NRL: variants seen among roughly 807,000 people sequenced by gnomAD.
NRL encodes the protein neural retina-specific leucine zipper protein.
Under a neutral mutation model 12.5 loss-of-function variants are expected in NRL, and 16 were observed. That is an observed-to-expected ratio of 1.28 (90% confidence interval 0.87 to 1.95). The LOEUF is 1.95. NRL is among the 30% of genes most tolerant of loss of function. The pLI is 0.00. For synonymous variants in NRL, 142 were observed against 150.9 expected, an observed-to-expected ratio of 0.94 and a Z score of 0.43; for missense variants, 314 against 325.8, an observed-to-expected ratio of 0.96 and a Z score of 0.28.
At position 24,080,979 on chromosome 14, in the gene NRL, G is replaced by A; in HGVS notation, c.*257C>T. On this transcript the variant is annotated 3_prime_UTR_variant, in exon 3 of 3. Transcript: ENST00000561028. ...CCCCCAGTGCCTGGCACTGGTCCCTGCAGAGCTCAGCGTGCTAGTCATGTG... is the reference window on the plus strand; with the variant it reads ...CCCCCAGTGCCTGGCACTGGTCCCTACAGAGCTCAGCGTGCTAGTCATGTG... 1 of 369,950 alleles carries A rather than the reference G, an allele frequency of 2.7e-6. No homozygotes were observed. The allele number at this position is 369,950 out of a possible 1,614,324, so 22.9% of individuals were successfully genotyped here.
intron 1 of NRL, among the ~76,000 whole-genome samples, chr14:24,093,797 G>A (rs2036718429): frequency 6.6e-6 from 1 of 152,168 alleles, no homozygotes; most frequent in Non-Finnish European, 1.5e-5. Context: ...GCCTTGATCA[G>A]GAGGAGAAAC....
chr14:24,114,035 G>A lies in NRL; in HGVS notation c.-28+687C>T, dbSNP rs531666593. Among the ~76,000 whole-genome samples, 283 of 152,274 alleles carry A rather than the reference G, an allele frequency of 1.9e-3. 1 individual carries two copies. Among genetic ancestry groups the A allele is most frequent in the Admixed American group, 2.5e-3 (39 of 15,302 alleles). ...CAGGCTTGTTACTCATAAACCCGCA[G>A]GAGGGGGCAGGAGGGGGCAGGAGGC... On this transcript the variant is annotated intron_variant, in intron 1 of 2. Transcript: ENST00000561028.
At chr14:24,088,027 CA>C (rs113609852) in intron 1 of NRL, among the ~76,000 whole-genome samples, 9 of 148,800 alleles carry the variant, frequency 6.0e-5, no homozygotes, top group African/African-American at 1.7e-4. Flanking sequence ...AACCCTGTCT[CA>C]AAAAAAAAAT....
Position 24,107,685 on chromosome 14 carries a change from C to T in NRL, c.-28+7037G>A, listed in dbSNP as rs545319380. 2.0e-5 allele frequency among the ~76,000 whole-genome samples: 3 copies of T among 152,264 alleles called. No homozygotes were observed. In the East Asian group the frequency reaches 5.8e-4, roughly 29 times the overall value. ...GATTCCCCCTCCATTCCTTTCTTTT[C>T]CTTCAATTTACCCATTGACGAATCC... On this transcript the variant is annotated intron_variant, in intron 1 of 2. Coordinates refer to ENST00000561028, the MANE Select transcript of NRL (RefSeq NM_001354768.3).
At position 24,079,895 on chromosome 14, in the gene NRL, ACT is replaced by A. The variant is rs759337548; in HGVS notation, c.*1339_*1340del. 1.9e-4 allele frequency among the ~76,000 whole-genome samples: 29 copies of A among 152,164 alleles called. No homozygotes were observed. The highest frequency in any genetic ancestry group is 4.1e-4 in the Non-Finnish European group (28 of 68,038). ...AGCCACTGACAGGCCGAGCTGGGCC[ACT>A]GAGGCTTCTGAGTTTGGTGGTGGTG... On this transcript the variant is annotated 3_prime_UTR_variant, in exon 3 of 3. Transcript: ENST00000561028.
At chr14:24,114,526 C>T (rs1384216816) in intron 1 of NRL, 196 bp downstream of exon 1, 3 of 263,418 alleles carry the variant, frequency 1.1e-5, no homozygotes, top group African/African-American at 2.3e-5. Context: ...ATATCCCTTG[C>T]TAAAATACCT....
In NRL at chr14:24,081,237, C is replaced by A. The variant is rs754136527; in HGVS notation, c.713G>T (p.Ter238LeuextTer58). 5.4e-6 allele frequency: 8 copies of A among 1,490,250 alleles called. No individual in the cohort carries two copies. In the South Asian group the frequency reaches 9.2e-5, roughly 17 times the overall value. The allele number at this position is 1,490,250 out of a possible 1,614,324, so 92.3% of individuals were successfully genotyped here. A position where few individuals can be genotyped will look rare whatever the true frequency, so the allele number is the denominator to read the frequency against. Residue 238 changes from the stop codon to leucine (L), a stop_lost, in exon 3 of 3, where the codon TGA (stop) becomes TTA (leucine). Coordinates refer to ENST00000561028, the MANE Select transcript of NRL (RefSeq NM_001354768.3). This position sits in a 1 kb window ranked among gnomAD's most constrained non-coding sequence, Gnocchi z 4.4. ...ACACCACAAGGTGCTCTGAACGGCT[C>A]AGAGGAAGAGGTGGGAGGGGTCCCC... ...GSGDPSHLFL[*>L]
chr14:24,099,204 C>G (rs201814810), intron 1 of NRL: 1 of 1,601,592 alleles, frequency 6.2e-7, no homozygotes, highest in Non-Finnish European at 8.5e-7. Context: ...TCGGCTGGCC[C>G]GGGATGAGGG....
Position 24,094,093 on chromosome 14 carries a change from G to C in NRL, c.-27-11218C>G. 1 of 534,092 alleles carries C rather than the reference G, an allele frequency of 1.9e-6. No homozygotes were observed. Among genetic ancestry groups the C allele is most frequent in the Non-Finnish European group, 3.3e-6 (1 of 305,076 alleles). 33.1% of individuals were successfully genotyped at this position (534,092 alleles called of 1,614,324 possible). A position where few individuals can be genotyped will look rare whatever the true frequency, so the allele number is the denominator to read the frequency against. On this transcript the variant is annotated intron_variant, in intron 1 of 2. Transcript: ENST00000561028. The surrounding 1 kb of genome is among the most constrained non-coding windows in gnomAD (Gnocchi z 4.1). ...GATGGGGGGCGGGGCCTCGAAGTCGGGGGCCGAAGAGTGGACCCAGTCCTC... is the reference window on the plus strand; with the variant it reads ...GATGGGGGGCGGGGCCTCGAAGTCGCGGGCCGAAGAGTGGACCCAGTCCTC...
chr14:24,095,440 G>A, intron 1 of NRL: 1 of 348,236 alleles, frequency 2.9e-6, no homozygotes, highest in Non-Finnish European at 5.7e-6. Flanking sequence ...TGCTTTAGCG[G>A]AAACCACCCC....
At chr14:24,092,385 T>G (rs1421187334) in intron 1 of NRL, among the ~76,000 whole-genome samples, 3 of 152,224 alleles carry the variant, frequency 2.0e-5, no homozygotes, top group Admixed American at 2.0e-4. Context: ...AGGATAAGAA[T>G]AGTCTAGACT....
intron 1 of NRL, among the ~76,000 whole-genome samples, chr14:24,106,984 G>A (rs952856386): frequency 1.3e-5 from 2 of 152,068 alleles, no homozygotes; most frequent in African/African-American, 4.8e-5. Flanking sequence ...GCCTGGCACC[G>A]AATAACCATT....
intron 1 of NRL, among the ~76,000 whole-genome samples, chr14:24,110,980 C>G (rs1032076032): frequency 2.0e-5 from 3 of 152,138 alleles, no homozygotes; most frequent in African/African-American, 7.2e-5. Context: ...CAATAGTGAG[C>G]CATTTGTTGA....
rs1175977753 is a variant in NRL at position 24,085,834 on chromosome 14, A to G, written c.-27-2959T>C. Among the ~76,000 whole-genome samples, 1 of 152,218 alleles carries G rather than the reference A, an allele frequency of 6.6e-6. No individual in the cohort carries two copies. Among genetic ancestry groups the G allele is most frequent in the African/African-American group, 2.4e-5 (1 of 41,448 alleles). ...TCACCTGGGAACTTGCTAGAAATAC[A>G]TGTTACCTGATCTCACCTTAAATCT... On this transcript the variant is annotated intron_variant, in intron 1 of 2. Coordinates refer to ENST00000561028, the MANE Select transcript of NRL (RefSeq NM_001354768.3). This position sits in a 1 kb window ranked among gnomAD's most constrained non-coding sequence, Gnocchi z 4.1.
Position 24,094,849 on chromosome 14 carries a change from C to G in NRL, c.-27-11974G>C, listed in dbSNP as rs1377805021. On this transcript the variant is annotated intron_variant, in intron 1 of 2. Coordinates refer to ENST00000561028, the MANE Select transcript of NRL (RefSeq NM_001354768.3). This position sits in a 1 kb window ranked among gnomAD's most constrained non-coding sequence, Gnocchi z 4.1. ...CAGCAGGGCCCTGGGGACAAGGGTA[C>G]GTGAGCCCCGGGAGACTAAGCTCAG... 2.6e-5 allele frequency: 34 copies of G among 1,310,346 alleles called. No homozygotes were observed. The highest frequency in any genetic ancestry group is 3.4e-5 in the Non-Finnish European group (34 of 1,002,818). The allele number at this position is 1,310,346 out of a possible 1,614,324, so 81.2% of individuals were successfully genotyped here.
At position 24,114,905 on chromosome 14, in the gene NRL, C is replaced by A; in HGVS notation, c.-211G>T. 4 of 985,958 alleles carry A rather than the reference C, an allele frequency of 4.1e-6. No individual in the cohort carries two copies. The highest frequency in any genetic ancestry group is 4.8e-6 in the Non-Finnish European group (4 of 829,972). 61.1% of individuals were successfully genotyped at this position (985,958 alleles called of 1,614,324 possible). A position where few individuals can be genotyped will look rare whatever the true frequency, so the allele number is the denominator to read the frequency against. ...AACAAGGCCTCGCGCCGCTGCGGGT[C>A]CTGCGACCGCTCCTGGCTGGTGGGT... is the stretch of plus-strand genomic sequence containing the variant. On this transcript the variant is annotated 5_prime_UTR_variant, in exon 1 of 3. Transcript: ENST00000561028.
chr14:24,103,864 G>C, intron 1 of NRL: 1 of 1,614,142 alleles, frequency 6.2e-7, no homozygotes, highest in Non-Finnish European at 8.5e-7. Flanking sequence ...CAGGAGGTTC[G>C]TGACATTCGG....
rs972428748 is a variant in NRL at position 24,095,996 on chromosome 14, C to T, written c.-27-13121G>A. 9.8e-5 allele frequency among the ~76,000 whole-genome samples: 15 copies of T among 152,314 alleles called. No individual in the cohort carries two copies. The East Asian group carries it at 2.7e-3, about 27-fold the overall frequency. On this transcript the variant is annotated intron_variant, in intron 1 of 2. Transcript: ENST00000561028. Reference sequence around the variant, plus strand: ...GTCACCTATTCTCTGTGCAAGAGCCCTCATCTAGAAACCTGGCACTGGAAA... The same window carrying T: ...GTCACCTATTCTCTGTGCAAGAGCCTTCATCTAGAAACCTGGCACTGGAAA...
chr14:24,111,656 C>T (rs1192239694), intron 1 of NRL, among the ~76,000 whole-genome samples: 1 of 152,126 alleles, frequency 6.6e-6, no homozygotes, highest in African/African-American at 2.4e-5. Flanking sequence ...CGTGAGCCAC[C>T]GCGCCCGGCC....
Sources: gnomAD v4.1 joint callset for allele counts (sites outside exome capture counted in the v4.1 genomes callset) on GRCh38, gnomAD v4.1.1 for gene constraint, Gnocchi (gnomAD v3.1) non-coding constraint, MANE v1.5 for transcripts, NCBI Gene and HGNC (gene_info 2026-07-23, HGNC 2026-07-21) for gene names.